The following HSD17B11 variants were observed in gnomAD, a reference collection of about 807,000 sequenced individuals.
HSD17B11 encodes hydroxysteroid 17-beta dehydrogenase 11.
HSD17B11 carries 22 observed loss-of-function variants against 27.8 expected under a neutral mutation model. The observed-to-expected ratio is 0.79, with a 90% CI of 0.56 to 1.13. The LOEUF is 1.13. HSD17B11 is among the 50% of genes most tolerant of loss of function. The pLI is 0.00. For missense variants in HSD17B11, 314 were observed against 351.1 expected (o/e 0.89, Z 0.84); for synonymous variants, 117 against 132.8 (o/e 0.88, Z 0.82).
chr4:87,344,401 A>G (rs551627667), intron 5 of HSD17B11, among the ~76,000 whole-genome samples: 1 of 152,246 alleles, frequency 6.6e-6, no homozygotes, highest in Non-Finnish European at 1.5e-5. Flanking sequence ...CATTGTTTCT[A>G]TCATTAGTTG....
intron 1 of HSD17B11, among the ~76,000 whole-genome samples, chr4:87,383,701 G>T (rs946910638): frequency 4.0e-5 from 6 of 148,324 alleles, no homozygotes; most frequent in African/African-American, 1.3e-4. Flanking sequence ...GGGGTTTTTT[G>T]TTGTTGTTGT....
chr4:87,376,034 A>C (rs1365648461), intron 2 of HSD17B11, among the ~76,000 whole-genome samples: 1 of 152,230 alleles, frequency 6.6e-6, no homozygotes, highest in Non-Finnish European at 1.5e-5. Context: ...GTTCCTTGTG[A>C]GTCGTTGTGG....
At chr4:87,362,974 C>T (rs1413692548) in intron 4 of HSD17B11, among the ~76,000 whole-genome samples, 1 of 152,128 alleles carries the variant, frequency 6.6e-6, no homozygotes, top group African/African-American at 2.4e-5. Context: ...CCAGAGACCA[C>T]ATGTTGAAAT....
intron 2 of HSD17B11, among the ~76,000 whole-genome samples, chr4:87,378,924 A>T (rs1205727992): frequency 3.1e-4 from 2 of 6,382 alleles, no homozygotes; most frequent in East Asian, 9.7e-3. Flanking sequence ...ATATAAATAT[A>T]TATAAATATA....
intron 5 of HSD17B11, among the ~76,000 whole-genome samples, chr4:87,346,227 C>A (rs11930079): frequency 0.023 from 3,428 of 152,218 alleles, 135 homozygotes; most frequent in African/African-American, 0.078. Context: ...AACGTTCCTT[C>A]GTGATAAAAA....
intron 5 of HSD17B11, among the ~76,000 whole-genome samples, chr4:87,344,663 C>T (rs1025961075): frequency 6.6e-6 from 1 of 152,154 alleles, no homozygotes; most frequent in Non-Finnish European, 1.5e-5. Context: ...CTAACAGATG[C>T]CTCACACCAT....
Position 87,357,949 on chromosome 4 carries a change from ATTTTTTTTTTTTTTTT to A in HSD17B11, c.558-549_558-534del, listed in dbSNP as rs57139706. On this transcript the variant is annotated intron_variant, in intron 4 of 6. Coordinates refer to ENST00000358290, the MANE Select transcript of HSD17B11 (RefSeq NM_016245.5). ...TTGTAACTGAACATTCATTAGAGAA[ATTTTTTTTTTTTTTTT>A]TTTTTTTTTTTTTTGAGACAGAGTC... Among the ~76,000 whole-genome samples, 575 of 80,276 alleles carry A rather than the reference ATTTTTTTTTTTTTTTT, an allele frequency of 7.2e-3. 7 individuals carry two copies. Among genetic ancestry groups the A allele is most frequent in the African/African-American group, 0.023 (537 of 23,586 alleles). The allele number at this position is 80,276 out of a possible 152,430, so 52.7% of individuals were successfully genotyped here.
chr4:87,377,263 A>G (rs532238734), intron 2 of HSD17B11, among the ~76,000 whole-genome samples: 1 of 152,314 alleles, frequency 6.6e-6, no homozygotes, highest in South Asian at 2.1e-4. Context: ...CAGCCTGACC[A>G]ACATGGTGAA....
intron 3 of HSD17B11, chr4:87,373,264 CG>C (rs1735756416): frequency 6.3e-6 from 1 of 157,726 alleles, no homozygotes; most frequent in African/African-American, 2.4e-5. Context: ...CACTTGAACC[CG>C]GGAGGCAGAG....
intron 5 of HSD17B11, among the ~76,000 whole-genome samples, chr4:87,346,514 G>A (rs1315172667): frequency 3.3e-5 from 5 of 152,106 alleles, no homozygotes; most frequent in Non-Finnish European, 5.9e-5. Flanking sequence ...GCTGGGCATG[G>A]TGGCACGCAC....
At position 87,374,784 on chromosome 4, in the gene HSD17B11, C is replaced by G. The variant is rs761094440; in HGVS notation, c.365G>C (p.Gly122Ala). 1.3e-6 allele frequency: 2 copies of G among 1,589,482 alleles called. No homozygotes were observed. The highest frequency in any genetic ancestry group is 1.7e-6 in the Non-Finnish European group (2 of 1,166,734). ...AAACAAATCTGATGTATAGACTACA[C>G]CAGCATTATTTACTAAAATACTAAC... ...GDVSILVNNA[G>A]VVYTSDLFAT... The change falls in exon 3 of 7, where the codon GGT becomes GCT. Residue 122 changes from glycine (G) to alanine (A), a missense_variant. Transcript: ENST00000358290.
intron 5 of HSD17B11, among the ~76,000 whole-genome samples, 183 bp from the exon 6 acceptor site, chr4:87,340,789 T>C (rs1422523031): frequency 6.6e-6 from 1 of 152,232 alleles, no homozygotes; most frequent in Non-Finnish European, 1.5e-5. Flanking sequence ...ATAACAATCA[T>C]TCACTTAGTG....
intron 5 of HSD17B11, among the ~76,000 whole-genome samples, chr4:87,343,734 G>C (rs780257984): frequency 2.0e-5 from 3 of 152,044 alleles, no homozygotes; most frequent in Non-Finnish European, 4.4e-5. Context: ...TTTTAGTAGA[G>C]ACGGGGTTTC....
At chr4:87,386,006 T>A (rs956667073) in intron 1 of HSD17B11, 6 of 152,048 alleles carry the variant, frequency 3.9e-5, no homozygotes, top group Admixed American at 1.3e-4. Flanking sequence ...ACAATAAAAA[T>A]TTATGTCCCA....
chr4:87,374,913 A>G, intron 2 of HSD17B11, 83 bp from the exon 3 acceptor site: 1 of 977,934 alleles, frequency 1.0e-6, no homozygotes. Context: ...TTTTTTTTTG[A>G]GACGGATTCT....
chr4:87,369,942 G>A (rs1735677800), intron 4 of HSD17B11, among the ~76,000 whole-genome samples: 1 of 152,138 alleles, frequency 6.6e-6, no homozygotes, highest in South Asian at 2.1e-4. Flanking sequence ...TTTTAGAATA[G>A]AATCAAAAGC....
Position 87,378,887 on chromosome 4 carries a change from TATATATAA to T in HSD17B11, c.318+3360_318+3367del, listed in dbSNP as rs1720021643. The stretch of plus-strand genomic sequence containing the variant: ...ATATAAATATATATATATAAATATA[TATATATAA>T]ATATATATAAATATATATATATAAA... On this transcript the variant is annotated intron_variant, in intron 2 of 6. Coordinates refer to ENST00000358290, the MANE Select transcript of HSD17B11 (RefSeq NM_016245.5). Among the ~76,000 whole-genome samples the T allele has an allele frequency of 1.9e-3, 20 of 10,268 alleles. 3 individuals are homozygous for T. Among genetic ancestry groups the T allele is most frequent in the South Asian group, 9.4e-3 (3 of 320 alleles). The allele number at this position is 10,268 out of a possible 152,430, so 6.7% of individuals were successfully genotyped here. A position where few individuals can be genotyped will look rare whatever the true frequency, so the allele number is the denominator to read the frequency against.
At chr4:87,376,614 G>A (rs2110127232) in intron 2 of HSD17B11, among the ~76,000 whole-genome samples, 1 of 151,730 alleles carries the variant, frequency 6.6e-6, no homozygotes. Context: ...ATATATGCAT[G>A]GTATGTGTGT....
chr4:87,372,035 G>A (rs1170158733), intron 4 of HSD17B11, among the ~76,000 whole-genome samples: 1 of 152,064 alleles, frequency 6.6e-6, no homozygotes, highest in Non-Finnish European at 1.5e-5. Context: ...GAGGTCAGGA[G>A]ATCGAGACCA....
Sources: gnomAD v4.1 joint callset for allele counts (sites outside exome capture counted in the v4.1 genomes callset) on GRCh38, gnomAD v4.1.1 for gene constraint, MANE v1.5 for transcripts, NCBI Gene and HGNC (gene_info 2026-07-23, HGNC 2026-07-21) for gene names.